AFF1: variants seen among roughly 807,000 people sequenced by gnomAD.
AFF1 encodes AF4/FMR2 family member 1.
AFF1 carries 48 observed loss-of-function variants against 121.7 expected under a neutral mutation model. The observed-to-expected ratio is 0.39, with a 90% CI of 0.31 to 0.50. The LOEUF (loss-of-function observed/expected upper bound fraction) is 0.50. Ranked by LOEUF, AFF1 falls within the 20% of genes least tolerant of loss-of-function variation. The pLI is 0.76. For synonymous variants in AFF1, 613 were observed against 563.0 expected (o/e 1.09, Z -1.26); for missense variants, 1,523 against 1,511.7 (o/e 1.01, Z -0.12).
chr4:87,100,348 TG>T (rs1389486206), intron 8 of AFF1, among the ~76,000 whole-genome samples: 1 of 151,778 alleles, frequency 6.6e-6, no homozygotes, highest in African/African-American at 2.4e-5. Flanking sequence ...TACCACGGCC[TG>T]TCCCTGACAC....
intron 2 of AFF1, among the ~76,000 whole-genome samples, chr4:87,028,422 C>T (rs949341521): frequency 6.6e-6 from 1 of 151,872 alleles, no homozygotes; most frequent in Non-Finnish European, 1.5e-5. Context: ...TGGAACTATT[C>T]TTAAGGTTAT....
At chr4:86,937,682 T>C (rs902256086) in intron 1 of AFF1, among the ~76,000 whole-genome samples, 2 of 151,206 alleles carry the variant, frequency 1.3e-5, no homozygotes, top group African/African-American at 4.9e-5. Context: ...CCTGGGCTCA[T>C]GGGATCCTCC....
chr4:87,103,370 A>C (rs1486038122), intron 8 of AFF1, among the ~76,000 whole-genome samples: 1 of 152,206 alleles, frequency 6.6e-6, no homozygotes, highest in Non-Finnish European at 1.5e-5. Context: ...TTATCAAATA[A>C]ATTATACTCA....
chr4:87,071,928 C>T lies in AFF1; in HGVS notation c.1060-12192C>T, dbSNP rs192056343. On this transcript the variant is annotated intron_variant, in intron 4 of 20. Transcript: ENST00000395146. ...CAAAACACTGAAAAGATTGGAGTTT[C>T]GGGTCAGGAGCTCTGGATTAAAGGC... Among the ~76,000 whole-genome samples the T allele has an allele frequency of 1.6e-3, 245 of 152,056 alleles. 1 individual carries two copies. The highest frequency in any genetic ancestry group is 2.8e-3 in the Non-Finnish European group (192 of 67,996).
chr4:86,975,529 G>A (rs1723241732), intron 2 of AFF1, among the ~76,000 whole-genome samples: 1 of 152,166 alleles, frequency 6.6e-6, no homozygotes, highest in African/African-American at 2.4e-5. Context: ...GGGATTACAG[G>A]TGTGAGCCAC....
At chr4:87,051,934 C>T (rs989300664) in intron 4 of AFF1, among the ~76,000 whole-genome samples, 6 of 151,900 alleles carry the variant, frequency 3.9e-5, no homozygotes, top group East Asian at 1.9e-4. Context: ...ATAAGAGTGC[C>T]GCAAGAAGTA....
intron 8 of AFF1, among the ~76,000 whole-genome samples, chr4:87,097,018 G>A (rs1419996459): frequency 1.3e-5 from 2 of 152,204 alleles, no homozygotes; most frequent in African/African-American, 4.8e-5. Context: ...GGCTGGTAAG[G>A]AGTAGAATCT....
intron 2 of AFF1, among the ~76,000 whole-genome samples, chr4:86,951,119 A>G (rs1018873523): frequency 6.6e-6 from 1 of 152,234 alleles, no homozygotes; most frequent in African/African-American, 2.4e-5. Context: ...CTCATGAAAA[A>G]TGTAAGATTT....
chr4:87,135,714 T>C lies in AFF1; in HGVS notation c.*13T>C, dbSNP rs760998456. 5.0e-6 allele frequency: 8 copies of C among 1,608,008 alleles called. No homozygotes were observed. Among genetic ancestry groups the C allele is most frequent in the Non-Finnish European group, 6.8e-6 (8 of 1,177,142 alleles). On this transcript the variant is annotated 3_prime_UTR_variant, in exon 21 of 21. Transcript: ENST00000395146. ...CAAAACACCTTAATGGAGCCCCAGGTTGATTCAATGCCTTGGGAACTATTT... is the reference window on the plus strand; with the variant it reads ...CAAAACACCTTAATGGAGCCCCAGGCTGATTCAATGCCTTGGGAACTATTT...
intron 2 of AFF1, chr4:87,006,866 G>A: frequency 2.7e-6 from 2 of 751,986 alleles, no homozygotes; most frequent in Non-Finnish European, 3.3e-6. Flanking sequence ...CCTGCCGCTT[G>A]CCGCCTGCCT....
In AFF1 at chr4:86,982,691, A is replaced by G. The variant is rs1249005895; in HGVS notation, c.38+34120A>G. 2.0e-5 allele frequency among the ~76,000 whole-genome samples: 3 copies of G among 150,884 alleles called. No individual in the cohort carries two copies. In the East Asian group the frequency reaches 5.9e-4, roughly 30 times the overall value. ...AAAACCCTGTCTCTACTAAAAATAC[A>G]AAAAAAATTATTCAGGCGTGGTGGC... On this transcript the variant is annotated intron_variant, in intron 2 of 20. Transcript: ENST00000395146.
chr4:87,009,512 C>G (rs896379370), intron 2 of AFF1, among the ~76,000 whole-genome samples: 4 of 152,184 alleles, frequency 2.6e-5, no homozygotes, highest in Non-Finnish European at 5.9e-5. Context: ...TGATCCTCTA[C>G]CCCACCTTCC....
At chr4:87,083,153 T>C (rs1030555245) in intron 4 of AFF1, among the ~76,000 whole-genome samples, 1 of 152,232 alleles carries the variant, frequency 6.6e-6, no homozygotes, top group African/African-American at 2.4e-5. Context: ...TAACTTTGCC[T>C]ACTTTCTTTG....
intron 8 of AFF1, among the ~76,000 whole-genome samples, chr4:87,102,399 G>C (rs1725519010): frequency 6.6e-6 from 1 of 152,076 alleles, no homozygotes; most frequent in African/African-American, 2.4e-5. Flanking sequence ...TCTCTCTCTT[G>C]GTGGGTTCTG....
At chr4:86,948,637 A>G in intron 2 of AFF1, 66 bp downstream of exon 2, 2 of 1,469,040 alleles carry the variant, frequency 1.4e-6, no homozygotes, top group Non-Finnish European at 1.8e-6. Flanking sequence ...TTTTCAATGA[A>G]TAAGTTTGGT....
At chr4:87,135,140 C>T (rs1353420260) in intron 20 of AFF1, among the ~76,000 whole-genome samples, 2 of 152,078 alleles carry the variant, frequency 1.3e-5, no homozygotes, top group Admixed American at 1.3e-4. Context: ...AGAGATACAG[C>T]GTAGTAAACA....
At chr4:87,037,372 C>T (rs1262017211) in intron 2 of AFF1, among the ~76,000 whole-genome samples, 3 of 152,080 alleles carry the variant, frequency 2.0e-5, no homozygotes, top group African/African-American at 4.8e-5. Context: ...AGTGCAGTGG[C>T]GCGTTCTCAG....
chr4:87,086,108 C>A (rs1162561549), intron 5 of AFF1, among the ~76,000 whole-genome samples: 1 of 152,130 alleles, frequency 6.6e-6, no homozygotes, highest in Non-Finnish European at 1.5e-5. Context: ...AAATAAGTTA[C>A]CTCGATTACA....
intron 4 of AFF1, among the ~76,000 whole-genome samples, chr4:87,063,156 T>C (rs1720953391): frequency 6.6e-6 from 1 of 151,324 alleles, no homozygotes; most frequent in Non-Finnish European, 1.5e-5. Flanking sequence ...ATGTAATAGC[T>C]GCTGTATCTA....
Sources: allele counts gnomAD v4.1 joint callset (sites outside exome capture counted in the v4.1 genomes callset), GRCh38; gene constraint gnomAD v4.1.1; transcripts MANE v1.5; gene names NCBI Gene and HGNC (gene_info 2026-07-23, HGNC 2026-07-21).